The following WDR59 variants were observed in gnomAD, a reference collection of about 807,000 sequenced individuals.
WDR59 encodes GATOR2 complex protein WDR59.
Under a neutral mutation model 131.2 loss-of-function variants are expected in WDR59, and 100 were observed. That is an observed-to-expected ratio of 0.76 (90% CI 0.65 to 0.90). WDR59 has a LOEUF of 0.90. WDR59 is among the 40% of genes least tolerant of loss of function. The pLI, the probability that WDR59 is intolerant of heterozygous loss-of-function variation, is 0.00. For missense variants in WDR59, 1,203 were observed against 1,262.2 expected (o/e 0.95, Z 0.71); for synonymous variants, 601 against 466.2 (o/e 1.29, Z -3.72).
rs1482809256 is a variant in WDR59 at position 74,917,918 on chromosome 16, T to C, written c.966+11A>G. ...CAGGTACATTTCTCCACAATAGCAC[T>C]GCATACATACCCTCTGCATCTGGGA... On this transcript the variant is annotated intron_variant, in intron 11 of 25. Transcript: ENST00000262144. 1.2e-6 allele frequency: 2 copies of C among 1,612,184 alleles called. No individual in the cohort carries two copies. Among genetic ancestry groups the C allele is most frequent in the Non-Finnish European group, 1.7e-6 (2 of 1,178,816 alleles).
Position 74,886,337 on chromosome 16 carries a change from G to A in WDR59, c.2479C>T (p.Arg827Cys), listed in dbSNP as rs780180708. 17 of 1,613,960 alleles carry A rather than the reference G, an allele frequency of 1.1e-5. No homozygotes were observed. Among genetic ancestry groups the A allele is most frequent in the Admixed American group, 5.0e-5 (3 of 60,010 alleles). Residue 827 changes from arginine (R) to cysteine (C), a missense_variant, in exon 24 of 26, where the codon CGC becomes TGC. Transcript: ENST00000262144. ...TCACTGTAGGTCAGACTCCCAAAGCGGAGCTCTTCTGGTGAGGATTCTCCC... is the reference window on the plus strand; with the variant it reads ...TCACTGTAGGTCAGACTCCCAAAGCAGAGCTCTTCTGGTGAGGATTCTCCC... ...PWGESSPEEL[R>C]FGSLTYSDPR...
Position 74,921,975 on chromosome 16 carries a change from C to T in WDR59, c.858G>A (p.Leu286=). Residue 286 remains leucine (L), a synonymous_variant, in exon 10 of 26, where the codon CTG becomes CTA. Coordinates refer to ENST00000262144, the MANE Select transcript of WDR59 (RefSeq NM_030581.4). Reference sequence around the variant, plus strand: ...CCTTCTGCTTCCTCCACTGGAACTCCAGGACCACATCATCATGCCCCACGA... The same window carrying T: ...CCTTCTGCTTCCTCCACTGGAACTCTAGGACCACATCATCATGCCCCACGA... ...HTFVGHDDVV[L]EFQWRKQKEG... 1 of 1,614,162 alleles carries T rather than the reference C, an allele frequency of 6.2e-7. No homozygotes were observed. Among genetic ancestry groups the T allele is most frequent in the Non-Finnish European group, 8.5e-7 (1 of 1,180,022 alleles).
chr16:74,876,199 C>T (rs1262461050), intron 25 of WDR59, among the ~76,000 whole-genome samples: 1 of 152,154 alleles, frequency 6.6e-6, no homozygotes, highest in African/African-American at 2.4e-5. Context: ...TACCTAAGGG[C>T]ATATTTTATG....
chr16:74,888,389 T>A (rs1964876753), intron 21 of WDR59, 70 bp from the exon 22 acceptor site: 1 of 1,493,196 alleles, frequency 6.7e-7, no homozygotes, highest in Non-Finnish European at 9.1e-7. Context: ...GTCACAGTCA[T>A]GGCGTGTTAC....
rs756225766 is a variant in WDR59 at position 74,909,500 on chromosome 16, C to A, written c.1642+1G>T. On this transcript the variant is annotated splice_donor_variant, in intron 16 of 25. Transcript: ENST00000262144. LOFTEE classifies it high-confidence loss of function. ...AGAATCAAAGAACCAAAGAGACCCACCTGCTCCGCAGAACCTGGCCCCAGA... is the reference window on the plus strand; with the variant it reads ...AGAATCAAAGAACCAAAGAGACCCAACTGCTCCGCAGAACCTGGCCCCAGA... The A allele has an allele frequency of 5.1e-6, 8 of 1,562,328 alleles. No homozygotes were observed. The highest frequency in any genetic ancestry group is 2.0e-5 in the Admixed American group (1 of 49,812).
At chr16:74,970,712 C>A (rs189149469) in intron 1 of WDR59, among the ~76,000 whole-genome samples, 51 of 152,110 alleles carry the variant, frequency 3.4e-4, no homozygotes, top group African/African-American at 1.2e-3. Context: ...GAGCACCCAG[C>A]AAGTTGCTTT....
At chr16:74,963,047 G>C (rs149601015) in intron 2 of WDR59, 2 of 152,152 alleles carry the variant, frequency 1.3e-5, no homozygotes, top group African/African-American at 4.8e-5. Context: ...TCTGAGTTCA[G>C]GAGATCAAGA....
At chr16:74,903,481 A>C (rs1965651269) in intron 18 of WDR59, among the ~76,000 whole-genome samples, 2 of 134,242 alleles carry the variant, frequency 1.5e-5, no homozygotes, top group African/African-American at 5.4e-5. Flanking sequence ...ATTTCCATGT[A>C]GACTTAGTAT....
intron 1 of WDR59, among the ~76,000 whole-genome samples, chr16:74,978,641 G>A (rs1392539590): frequency 6.6e-6 from 1 of 152,218 alleles, no homozygotes; most frequent in Admixed American, 6.5e-5. Context: ...CCAAGGAACT[G>A]TTTGGAGTGA....
chr16:74,888,062 G>A (rs1567689362), intron 22 of WDR59, 107 bp downstream of exon 22: 1 of 1,370,394 alleles, frequency 7.3e-7, no homozygotes, highest in Non-Finnish European at 9.7e-7. Context: ...AGGTTGCAGT[G>A]AGCTGAGATC....
intron 6 of WDR59, among the ~76,000 whole-genome samples, chr16:74,946,126 C>A (rs2032620444): frequency 6.6e-6 from 1 of 152,102 alleles, no homozygotes; most frequent in South Asian, 2.1e-4. Context: ...ATTCACATAA[C>A]CTTTATTGCG....
intron 2 of WDR59, among the ~76,000 whole-genome samples, chr16:74,963,575 A>T (rs10451155): frequency 6.7e-6 from 1 of 149,004 alleles, no homozygotes; most frequent in African/African-American, 2.5e-5. Flanking sequence ...AACAATGTAC[A>T]CTGGGACTTG....
At position 74,884,410 on chromosome 16, in the gene WDR59, G is replaced by A. The variant is rs575465557; in HGVS notation, c.2689+1243C>T. Among the ~76,000 whole-genome samples, 98 of 152,326 alleles carry A rather than the reference G, an allele frequency of 6.4e-4. 2 individuals are homozygous for A. Among genetic ancestry groups the A allele is most frequent in the Non-Finnish European group, 1.2e-3 (83 of 68,026 alleles). On this transcript the variant is annotated intron_variant, in intron 25 of 25. Transcript: ENST00000262144. ...GTCACCCAGGCTGGAGTGCAGTGGC[G>A]TGATCTTGGCTCACTGCCACCTCTG... is the stretch of plus-strand genomic sequence containing the variant.
intron 18 of WDR59, 184 bp from the exon 19 acceptor site, chr16:74,893,996 C>A: frequency 1.5e-6 from 1 of 649,776 alleles, no homozygotes; most frequent in Non-Finnish European, 2.5e-6. Context: ...AAAATCCTAA[C>A]AGGAAAATAA....
At chr16:74,969,517 C>T (rs1167482899) in intron 1 of WDR59, among the ~76,000 whole-genome samples, 1 of 151,910 alleles carries the variant, frequency 6.6e-6, no homozygotes, top group Non-Finnish European at 1.5e-5. Context: ...GTGATCCACC[C>T]ACCTCAGCCT....
At position 74,913,384 on chromosome 16, in the gene WDR59, A is replaced by G. The variant is rs144981941; in HGVS notation, c.1225-1022T>C. On this transcript the variant is annotated intron_variant, in intron 13 of 25. Coordinates refer to ENST00000262144, the MANE Select transcript of WDR59 (RefSeq NM_030581.4). ...TGGGTTCAAGTGATTCTCCCACCTC[A>G]ACCTCCCAAATACTGGGACTACAGG... 3.5e-3 allele frequency among the ~76,000 whole-genome samples: 527 copies of G among 151,916 alleles called. 2 individuals carry two copies. Among genetic ancestry groups the G allele is most frequent in the African/African-American group, 0.012 (506 of 41,392 alleles).
At chr16:74,953,941 G>T (rs1490524343) in intron 3 of WDR59, among the ~76,000 whole-genome samples, 2 of 150,924 alleles carry the variant, frequency 1.3e-5, no homozygotes, top group Non-Finnish European at 2.9e-5. Flanking sequence ...GGTGGAGCTT[G>T]CAGAGAGCTG....
chr16:74,982,074 CAG>C (rs975997788), intron 1 of WDR59, among the ~76,000 whole-genome samples: 1 of 146,414 alleles, frequency 6.8e-6, no homozygotes, highest in Non-Finnish European at 1.5e-5. Context: ...GGGCAAGATA[CAG>C]AGACTCCTAT....
chr16:74,942,933 G>C, intron 6 of WDR59, 107 bp from the exon 7 acceptor site: 1 of 974,136 alleles, frequency 1.0e-6, no homozygotes. Context: ...AATAAGCCCA[G>C]AACCCTTCAA....
Sources: allele counts gnomAD v4.1 joint callset (sites outside exome capture counted in the v4.1 genomes callset), GRCh38; gene constraint gnomAD v4.1.1; transcripts MANE v1.5; gene names NCBI Gene and HGNC (gene_info 2026-07-23, HGNC 2026-07-21).